The following PEMT variants were observed in gnomAD, a reference collection of about 807,000 sequenced individuals.
PEMT encodes the protein phospholipid methyltransferase.
Under a neutral mutation model 27.4 loss-of-function variants are expected in PEMT, and 23 were observed. The ratio of observed to expected loss-of-function variants is 0.84; its 90% CI spans 0.60 to 1.19. The LOEUF (loss-of-function observed/expected upper bound fraction) is 1.19. Ranked by LOEUF, PEMT falls within the 50% of genes most tolerant of loss-of-function variation. The pLI, the probability that PEMT is intolerant of heterozygous loss-of-function variation, is 0.00. For missense variants in PEMT, 307 were observed against 310.1 expected (o/e 0.99, Z 0.07); for synonymous variants, 137 against 139.1 (o/e 0.98, Z 0.11).
chr17:17,526,416 C>A (rs560776341), intron 2 of PEMT, among the ~76,000 whole-genome samples: 2 of 152,150 alleles, frequency 1.3e-5, no homozygotes, highest in Non-Finnish European at 2.9e-5. Context: ...CTGCAAAGTA[C>A]GAAAAACAGG....
At chr17:17,571,797 C>T (rs1211676380) in intron 2 of PEMT, among the ~76,000 whole-genome samples, 1 of 152,068 alleles carries the variant, frequency 6.6e-6, no homozygotes, top group Non-Finnish European at 1.5e-5. Context: ...CAGCCTCGAC[C>T]CCCAGAGCTC....
intron 2 of PEMT, chr17:17,570,760 GC>G: frequency 3.0e-6 from 3 of 985,478 alleles, no homozygotes; most frequent in Non-Finnish European, 3.6e-6. Context: ...CTCAAGGGTG[GC>G]TAGAGAGGAG....
Position 17,582,335 on chromosome 17 carries a change from G to C in PEMT, c.97-5308C>G. ...CACAGGTCACCGACGAATAGCCTCA[G>C]CTGTTAACACCCCAAAGCATGGGTA... On this transcript the variant is annotated intron_variant, in intron 1 of 6. Coordinates refer to ENST00000255389, the MANE Select transcript of PEMT (RefSeq NM_148172.3). The surrounding 1 kb of genome is among the most constrained non-coding windows in gnomAD (Gnocchi z 4.9). 1.0e-6 allele frequency: 1 copy of C among 985,504 alleles called. No homozygotes were observed. Among genetic ancestry groups the C allele is most frequent in the Non-Finnish European group, 1.2e-6 (1 of 829,978 alleles). 61.0% of individuals were successfully genotyped at this position (985,504 alleles called of 1,614,324 possible). A position where few individuals can be genotyped will look rare whatever the true frequency, so the allele number is the denominator to read the frequency against.
intron 2 of PEMT, among the ~76,000 whole-genome samples, chr17:17,544,567 A>G (rs1597912574): frequency 6.6e-6 from 1 of 152,222 alleles, no homozygotes; most frequent in African/African-American, 2.4e-5. Flanking sequence ...TCCGGCCTCC[A>G]GCTTGTGTTT....
chr17:17,591,505 C>T, intron 1 of PEMT, 26 bp downstream of exon 1: 3 of 1,574,618 alleles, frequency 1.9e-6, no homozygotes, highest in Non-Finnish European at 2.6e-6. Context: ...CTCCCAGTTT[C>T]CGCGGCGGTC....
intron 2 of PEMT, chr17:17,570,584 A>C: frequency 1.0e-6 from 1 of 985,438 alleles, no homozygotes; most frequent in Non-Finnish European, 1.2e-6. Context: ...AGCTGCGGTA[A>C]CAAAGGTCTG....
Position 17,567,535 on chromosome 17 carries a change from G to T in PEMT, c.204+9385C>A, listed in dbSNP as rs546476513. 5.9e-5 allele frequency among the ~76,000 whole-genome samples: 9 copies of T among 152,394 alleles called. No homozygotes were observed. In the East Asian group the frequency reaches 1.7e-3, roughly 29 times the overall value. ...ATCCCACACTCATGTGCCGTGGAAC[G>T]GCTTGCACTTGAGACCCAACATCAA... is the stretch of plus-strand genomic sequence containing the variant. On this transcript the variant is annotated intron_variant, in intron 2 of 6. Transcript: ENST00000255389.
chr17:17,560,966 C>T (rs1045080700), intron 2 of PEMT, among the ~76,000 whole-genome samples: 2 of 152,090 alleles, frequency 1.3e-5, no homozygotes, highest in Non-Finnish European at 2.9e-5. Flanking sequence ...GCCTGACACA[C>T]GTCTAGGAGT....
intron 4 of PEMT, among the ~76,000 whole-genome samples, chr17:17,510,070 C>T (rs891644559): frequency 6.6e-6 from 1 of 152,104 alleles, no homozygotes; most frequent in Non-Finnish European, 1.5e-5. Flanking sequence ...GGCTCTGGCA[C>T]CAGGGCCTGG....
chr17:17,556,011 G>A (rs2142668558), intron 2 of PEMT, among the ~76,000 whole-genome samples: 1 of 152,384 alleles, frequency 6.6e-6, no homozygotes, highest in South Asian at 2.1e-4. Context: ...GCTGCGCACT[G>A]TGCCGGGCAC....
At chr17:17,508,714 A>G in intron 5 of PEMT, 1 of 452,478 alleles carries the variant, frequency 2.2e-6, no homozygotes, top group Non-Finnish European at 4.6e-6. Context: ...AGGTCCTCTG[A>G]CCCGCCGGGG....
intron 1 of PEMT, among the ~76,000 whole-genome samples, chr17:17,587,294 G>A (rs1912367006): frequency 6.6e-6 from 1 of 151,978 alleles, no homozygotes; most frequent in Admixed American, 6.6e-5. Flanking sequence ...AATAATAAGG[G>A]AATACTATGA....
At chr17:17,592,102 G>A (rs70953699), upstream of PEMT, 41 of 985,168 alleles carry the variant, frequency 4.2e-5, no homozygotes, top group Admixed American at 2.1e-3. Context: ...GGCCCCACAC[G>A]CCCAGGGCCC....
chr17:17,521,052 A>G (rs1268213004), intron 3 of PEMT, among the ~76,000 whole-genome samples: 1 of 152,256 alleles, frequency 6.6e-6, no homozygotes, highest in African/African-American at 2.4e-5. Context: ...CAGTGCCTGC[A>G]AGCCAGGCTG....
intron 1 of PEMT, among the ~76,000 whole-genome samples, chr17:17,586,457 C>T (rs1008419899): frequency 1.3e-5 from 2 of 152,006 alleles, no homozygotes; most frequent in African/African-American, 4.8e-5. Context: ...TAAATTTAAA[C>T]GAATAGAAAG....
intron 2 of PEMT, among the ~76,000 whole-genome samples, chr17:17,533,489 A>C (rs1908247650): frequency 6.6e-6 from 1 of 152,252 alleles, no homozygotes; most frequent in Non-Finnish European, 1.5e-5. Flanking sequence ...TGGCTTTATC[A>C]AATATTTAGA....
chr17:17,520,933 G>C (rs1431961565), intron 3 of PEMT, among the ~76,000 whole-genome samples: 2 of 152,264 alleles, frequency 1.3e-5, no homozygotes, highest in Non-Finnish European at 2.9e-5. Flanking sequence ...GAGGGGGAAG[G>C]CCTAGGCCAC....
chr17:17,512,605 G>A lies in PEMT; in HGVS notation c.370C>T (p.Pro124Ser). 1 of 1,600,276 alleles carries A rather than the reference G, an allele frequency of 6.2e-7. No homozygotes were observed. The highest frequency in any genetic ancestry group is 8.5e-7 in the Non-Finnish European group (1 of 1,172,580). ...SQPRMESLDT[P>S]AAYSLGLALL... Reference sequence around the variant, plus strand: ...GCGAGGCCCAGGCTGTAGGCCGCGGGGGTGTCCAGGCTCTCCATCCTGGGC... The same window carrying A: ...GCGAGGCCCAGGCTGTAGGCCGCGGAGGTGTCCAGGCTCTCCATCCTGGGC... The change falls in exon 4 of 7, where the codon CCC becomes TCC. Residue 124 changes from proline (P) to serine (S), a missense_variant. By Grantham distance (74) the Pro-to-Ser change is moderately conservative. Coordinates refer to ENST00000255389, the MANE Select transcript of PEMT (RefSeq NM_148172.3). This position sits in a 1 kb window ranked among gnomAD's most constrained non-coding sequence, Gnocchi z 6.3.
chr17:17,525,980 C>T (rs548150177), intron 2 of PEMT, among the ~76,000 whole-genome samples: 1 of 143,300 alleles, frequency 7.0e-6, no homozygotes, highest in Non-Finnish European at 1.5e-5. Context: ...GGTGACAGAG[C>T]GAAACTCTGT....
Sources: gnomAD v4.1 joint callset for allele counts (sites outside exome capture counted in the v4.1 genomes callset) on GRCh38, gnomAD v4.1.1 for gene constraint, Gnocchi (gnomAD v3.1) non-coding constraint, MANE v1.5 for transcripts, NCBI Gene and HGNC (gene_info 2026-07-23, HGNC 2026-07-21) for gene names.